SAXO1: variants seen among roughly 807,000 people sequenced by gnomAD.
SAXO1 encodes the protein 4930500O09Rik.
A neutral mutation model predicts 17.5 loss-of-function variants in SAXO1; 21 were observed. That is an observed-to-expected ratio of 1.20 (90% confidence interval 0.85 to 1.72). The LOEUF (loss-of-function observed/expected upper bound fraction) is 1.72. Ranked by LOEUF, SAXO1 falls within the 40% of genes most tolerant of loss-of-function variation. SAXO1 has a pLI of 0.00. For missense variants in SAXO1, 843 were observed against 596.0 expected (o/e 1.41, Z -4.32); for synonymous variants, 274 against 216.5 (o/e 1.27, Z -2.33).
intron 1 of SAXO1, among the ~76,000 whole-genome samples, chr9:19,006,375 T>A (rs1356973064): frequency 6.6e-6 from 1 of 152,120 alleles, no homozygotes; most frequent in East Asian, 1.9e-4. Context: ...CAAATGTCCA[T>A]CAACAGATAA....
chr9:18,931,062 TG>T (rs1301943453), intron 3 of SAXO1, among the ~76,000 whole-genome samples: 2 of 152,246 alleles, frequency 1.3e-5, no homozygotes, highest in Non-Finnish European at 2.9e-5. Flanking sequence ...AGGTACCATC[TG>T]AAGTACACAA....
chr9:18,944,689 T>C (rs1419353717), intron 2 of SAXO1, among the ~76,000 whole-genome samples: 1 of 152,172 alleles, frequency 6.6e-6, no homozygotes, highest in Non-Finnish European at 1.5e-5. Context: ...GCTGGGGAAG[T>C]CATAACAACT....
chr9:18,941,490 C>A (rs551429482), intron 3 of SAXO1, 147 bp downstream of exon 3: 3 of 802,890 alleles, frequency 3.7e-6, no homozygotes, highest in African/African-American at 1.7e-5. Flanking sequence ...TCCAGCTATA[C>A]AAAAACAGGC....
intron 3 of SAXO1, among the ~76,000 whole-genome samples, chr9:18,935,850 C>A (rs763366903): frequency 1.3e-5 from 2 of 152,236 alleles, no homozygotes; most frequent in East Asian, 1.9e-4. Flanking sequence ...CAAGTCAGGC[C>A]CCACTGACAG....
intron 1 of SAXO1, among the ~76,000 whole-genome samples, chr9:18,961,854 A>G (rs570051070): frequency 6.6e-6 from 1 of 152,310 alleles, no homozygotes; most frequent in African/African-American, 2.4e-5. Flanking sequence ...TTATATACCC[A>G]GTAATGGGAT....
chr9:18,966,022 T>C (rs1266235266), intron 1 of SAXO1, among the ~76,000 whole-genome samples: 1 of 152,248 alleles, frequency 6.6e-6, no homozygotes, highest in East Asian at 1.9e-4. Flanking sequence ...TGGCTGGCTA[T>C]GAAATACTGG....
chr9:18,978,899 T>C (rs1588471461), intron 1 of SAXO1, among the ~76,000 whole-genome samples: 1 of 152,170 alleles, frequency 6.6e-6, no homozygotes, highest in East Asian at 1.9e-4. Flanking sequence ...GGACCTGAAG[T>C]TACTCTCTTT....
intron 3 of SAXO1, among the ~76,000 whole-genome samples, chr9:18,934,268 T>G (rs1831191354): frequency 6.6e-6 from 1 of 151,764 alleles, no homozygotes. Context: ...AATCTATCAT[T>G]TTTCTGCCCC....
At chr9:18,952,365 AAAGAAACC>A (rs1239521107) in intron 1 of SAXO1, among the ~76,000 whole-genome samples, 1 of 152,236 alleles carries the variant, frequency 6.6e-6, no homozygotes, top group Non-Finnish European at 1.5e-5. Flanking sequence ...AAAATGAGAG[AAAGAAACC>A]AAGAATTCCT....
intron 1 of SAXO1, among the ~76,000 whole-genome samples, chr9:19,047,521 T>C (rs1364953848): frequency 2.0e-5 from 3 of 152,168 alleles, no homozygotes; most frequent in South Asian, 2.1e-4. Flanking sequence ...AAAAGACACA[T>C]TGGAGAGTCC....
At chr9:18,993,547 G>A (rs561751327) in intron 1 of SAXO1, among the ~76,000 whole-genome samples, 21 of 152,246 alleles carry the variant, frequency 1.4e-4, no homozygotes, top group Non-Finnish European at 2.4e-4. Flanking sequence ...GAAAGACGTC[G>A]CATCAAAGAC....
intron 1 of SAXO1, among the ~76,000 whole-genome samples, chr9:18,951,707 A>G (rs561167587): frequency 6.6e-6 from 1 of 152,232 alleles, no homozygotes; most frequent in South Asian, 2.1e-4. Context: ...TGTGACTGGC[A>G]TGTCTGTTGG....
chr9:19,022,173 A>C (rs1281349119), intron 1 of SAXO1, among the ~76,000 whole-genome samples: 1 of 152,200 alleles, frequency 6.6e-6, no homozygotes, highest in Non-Finnish European at 1.5e-5. Context: ...CGGAGGCGCC[A>C]CCTTTAAGAG....
intron 3 of SAXO1, among the ~76,000 whole-genome samples, chr9:18,938,825 T>TGTGCGTGCGTGC (rs1831416532): frequency 1.3e-5 from 1 of 77,750 alleles, no homozygotes; most frequent in Non-Finnish European, 3.0e-5. Context: ...TGCGTGCGTG[T>TGTGCGTGCGTGC]GTGTGTGTGT....
chr9:18,987,955 T>C (rs1196494118), intron 1 of SAXO1, among the ~76,000 whole-genome samples: 3 of 151,636 alleles, frequency 2.0e-5, no homozygotes, highest in African/African-American at 7.2e-5. Context: ...TACATCTTCA[T>C]AACTGATGAC....
At chr9:18,934,305 A>G (rs4977474) in intron 3 of SAXO1, among the ~76,000 whole-genome samples, 18,627 of 123,884 alleles carry the variant, frequency 0.15, 1,445 homozygotes, top group Middle Eastern at 0.26. Context: ...GGCCATGATT[A>G]TGAGTATGTT....
At chr9:18,982,434 C>G (rs1833428699) in intron 1 of SAXO1, among the ~76,000 whole-genome samples, 1 of 152,168 alleles carries the variant, frequency 6.6e-6, no homozygotes, top group African/African-American at 2.4e-5. Flanking sequence ...GGCAGGCAAC[C>G]AGTCTCCTAG....
At chr9:19,013,970 C>G (rs1009249041) in intron 1 of SAXO1, among the ~76,000 whole-genome samples, 1 of 152,092 alleles carries the variant, frequency 6.6e-6, no homozygotes, top group African/African-American at 2.4e-5. Flanking sequence ...TCTGGTGAGT[C>G]TGAAATACAG....
intron 1 of SAXO1, among the ~76,000 whole-genome samples, chr9:18,961,665 A>G (rs771277611): frequency 6.6e-6 from 1 of 151,966 alleles, no homozygotes; most frequent in Non-Finnish European, 1.5e-5. Flanking sequence ...AAAGACATGA[A>G]CTCGTACTTT....
Sources: gnomAD v4.1 joint callset for allele counts (sites outside exome capture counted in the v4.1 genomes callset) on GRCh38, gnomAD v4.1.1 for gene constraint, MANE v1.5 for transcripts, NCBI Gene and HGNC (gene_info 2026-07-23, HGNC 2026-07-21) for gene names.